ARHGAP28: variants seen among roughly 807,000 people sequenced by gnomAD.
The protein encoded by ARHGAP28 is Rho GTPase activating protein 28, also known as rho GTPase-activating protein 28.
In ARHGAP28, 56 loss-of-function variants were observed where a neutral mutation model predicts 90.7. The observed-to-expected ratio is 0.62, with a 90% CI of 0.50 to 0.77. The LOEUF (loss-of-function observed/expected upper bound fraction) is 0.77. ARHGAP28 is among the 30% of genes least tolerant of loss of function. The pLI is 0.00. For synonymous variants in ARHGAP28, 308 were observed against 323.3 expected, an observed-to-expected ratio of 0.95 and a Z score of 0.51; for missense variants, 869 against 900.9, an observed-to-expected ratio of 0.96 and a Z score of 0.45.
At chr18:6,864,983 T>C (rs1389741161) in intron 5 of ARHGAP28, among the ~76,000 whole-genome samples, 3 of 152,198 alleles carry the variant, frequency 2.0e-5, no homozygotes, top group Admixed American at 2.0e-4. Flanking sequence ...CCCATTCCTA[T>C]GCATGCCTAA....
At chr18:6,778,731 T>C (rs559096911) in intron 1 of ARHGAP28, among the ~76,000 whole-genome samples, 3 of 152,332 alleles carry the variant, frequency 2.0e-5, no homozygotes, top group African/African-American at 7.2e-5. Context: ...CATTAGTGCA[T>C]CTTGATTAGA....
intron 3 of ARHGAP28, among the ~76,000 whole-genome samples, chr18:6,841,203 C>CCTCTCCTCTCTCTCT (rs1400294857): frequency 2.4e-5 from 1 of 41,972 alleles, no homozygotes; most frequent in Non-Finnish European, 4.2e-5. Flanking sequence ...CTCTCTCTCT[C>CCTCTCCTCTCTCTCT]CTCTCCTCTC....
At chr18:6,909,777 T>C (rs1040622870) in intron 17 of ARHGAP28, among the ~76,000 whole-genome samples, 1 of 152,102 alleles carries the variant, frequency 6.6e-6, no homozygotes, top group South Asian at 2.1e-4. Flanking sequence ...TCAGCAAAAC[T>C]TCCCCGCTTG....
At chr18:6,876,820 A>G (rs1413650669) in intron 10 of ARHGAP28, among the ~76,000 whole-genome samples, 1 of 152,194 alleles carries the variant, frequency 6.6e-6, no homozygotes, top group Non-Finnish European at 1.5e-5. Context: ...TGTGAATCTT[A>G]TTCTTTTGCT....
Position 6,907,183 on chromosome 18 carries a change from C to T in ARHGAP28, c.2031-1777C>T, listed in dbSNP as rs79599066. 8.3e-3 allele frequency among the ~76,000 whole-genome samples: 1,263 copies of T among 152,204 alleles called. 14 individuals carry two copies. The highest frequency in any genetic ancestry group is 0.029 in the African/African-American group (1,215 of 41,536). On this transcript the variant is annotated intron_variant, in intron 16 of 17. Coordinates refer to ENST00000383472, the MANE Select transcript of ARHGAP28 (RefSeq NM_001366230.1). ...AAATACAGGCAAAGATACAGAGAAA[C>T]GGGATCACTCATTCATTTCTGGTGG...
chr18:6,897,325 A>G (rs952555374), intron 16 of ARHGAP28: 1 of 152,252 alleles, frequency 6.6e-6, no homozygotes, highest in South Asian at 2.1e-4. Context: ...ACATGCCTGT[A>G]TCAGATAGAC....
At chr18:6,744,107 G>A (rs1318384990) in intron 1 of ARHGAP28, among the ~76,000 whole-genome samples, 1 of 152,208 alleles carries the variant, frequency 6.6e-6, no homozygotes, top group Admixed American at 6.5e-5. Flanking sequence ...TCGGGTTGGT[G>A]AGAGAAGGGT....
chr18:6,749,823 T>A (rs2056054543), intron 1 of ARHGAP28, among the ~76,000 whole-genome samples: 1 of 152,188 alleles, frequency 6.6e-6, no homozygotes, highest in African/African-American at 2.4e-5. Context: ...GTGTTCTATT[T>A]TAAAATTAAA....
chr18:6,826,560 G>A (rs987577921), intron 2 of ARHGAP28, among the ~76,000 whole-genome samples: 1 of 151,336 alleles, frequency 6.6e-6, no homozygotes, highest in African/African-American at 2.4e-5. Flanking sequence ...TTAACAACTG[G>A]CTTGCAAAAT....
intron 1 of ARHGAP28, chr18:6,788,906 A>C (rs2056386282): frequency 6.6e-6 from 1 of 152,234 alleles, no homozygotes; most frequent in Admixed American, 6.5e-5. Context: ...GATAAGTGTG[A>C]AACAGAGTAT....
intron 1 of ARHGAP28, among the ~76,000 whole-genome samples, chr18:6,774,710 G>A (rs142822222): frequency 1.5e-4 from 23 of 152,278 alleles, no homozygotes; most frequent in African/African-American, 5.5e-4. Flanking sequence ...TGGAATTAAT[G>A]CACATCTGTG....
At chr18:6,771,384 C>A in intron 1 of ARHGAP28, among the ~76,000 whole-genome samples, 1 of 152,018 alleles carries the variant, frequency 6.6e-6, no homozygotes, top group East Asian at 1.9e-4. Context: ...ACAAAAAGAT[C>A]TGTAGTAAGA....
intron 2 of ARHGAP28, among the ~76,000 whole-genome samples, chr18:6,829,574 A>G (rs948905850): frequency 6.6e-6 from 1 of 152,190 alleles, no homozygotes; most frequent in African/African-American, 2.4e-5. Flanking sequence ...TGACAAACGC[A>G]TGCACTCTTA....
chr18:6,757,590 T>C (rs776636329), intron 1 of ARHGAP28, among the ~76,000 whole-genome samples: 1 of 152,178 alleles, frequency 6.6e-6, no homozygotes. Flanking sequence ...TGGTCAATGT[T>C]CTAGCTTACC....
chr18:6,739,645 TTCTC>T (rs138884918), intron 1 of ARHGAP28, among the ~76,000 whole-genome samples: 4,090 of 145,014 alleles, frequency 0.028, 82 homozygotes, highest in Non-Finnish European at 0.042. Context: ...TGACTAAGCT[TTCTC>T]TCTCTCTCTC....
intron 2 of ARHGAP28, among the ~76,000 whole-genome samples, chr18:6,827,764 G>T (rs562473770): frequency 1.1e-4 from 16 of 150,228 alleles, no homozygotes; most frequent in Non-Finnish European, 2.2e-4. Flanking sequence ...GTTGCCAGGC[G>T]GAGGGTCTCC....
At chr18:6,841,533 TTATC>T (rs2056827792) in intron 3 of ARHGAP28, among the ~76,000 whole-genome samples, 1 of 151,802 alleles carries the variant, frequency 6.6e-6, no homozygotes, top group Admixed American at 6.6e-5. Flanking sequence ...TATCTTATAT[TTATC>T]TATAAATTCA....
At chr18:6,790,830 CAG>C (rs1315607650) in intron 1 of ARHGAP28, 2 of 152,008 alleles carry the variant, frequency 1.3e-5, no homozygotes, top group African/African-American at 2.4e-5. Context: ...AACCGGGAGA[CAG>C]TGTTGTCACG....
chr18:6,851,200 G>A, intron 4 of ARHGAP28, 74 bp downstream of exon 4: 1 of 1,317,948 alleles, frequency 7.6e-7, no homozygotes, highest in South Asian at 1.2e-5. Context: ...AGCAAAACTT[G>A]AAAAAAGTGC....
Sources: allele counts gnomAD v4.1 joint callset (sites outside exome capture counted in the v4.1 genomes callset), GRCh38; gene constraint gnomAD v4.1.1; transcripts MANE v1.5; gene names NCBI Gene and HGNC (gene_info 2026-07-23, HGNC 2026-07-21).